The following SLC44A5 variants were observed in gnomAD, a reference collection of about 807,000 sequenced individuals.
The protein encoded by SLC44A5 is solute carrier family 44 member 5, also known as choline transporter-like protein 5.
A neutral mutation model predicts 101.8 loss-of-function variants in SLC44A5; 57 were observed. The ratio of observed to expected loss-of-function variants is 0.56; its 90% CI spans 0.45 to 0.70. SLC44A5 has a LOEUF of 0.70. Among genes scored for constraint, SLC44A5 ranks in the 30% least tolerant of loss-of-function variants. The pLI, the probability that SLC44A5 is intolerant of heterozygous loss-of-function variation, is 0.00. For synonymous variants in SLC44A5, 281 were observed against 290.9 expected, an observed-to-expected ratio of 0.97 and a Z score of 0.35; for missense variants, 737 against 853.1, an observed-to-expected ratio of 0.86 and a Z score of 1.70.
At chr1:75,292,432 C>T (rs1653632246) in intron 5 of SLC44A5, among the ~76,000 whole-genome samples, 1 of 151,908 alleles carries the variant, frequency 6.6e-6, no homozygotes, top group African/African-American at 2.4e-5. Context: ...TTTTTCTGGC[C>T]AAAGAATGAA....
intron 2 of SLC44A5, among the ~76,000 whole-genome samples, chr1:75,491,307 G>T (rs114489951): frequency 6.6e-6 from 1 of 152,170 alleles, no homozygotes; most frequent in Non-Finnish European, 1.5e-5. Flanking sequence ...AAGTTGATAT[G>T]CTGAGGATCA....
chr1:75,327,468 G>A (rs1424326230), intron 4 of SLC44A5, among the ~76,000 whole-genome samples: 3 of 152,032 alleles, frequency 2.0e-5, no homozygotes, highest in African/African-American at 7.2e-5. Flanking sequence ...TTACAATTTG[G>A]GTTTATAAGG....
intron 2 of SLC44A5, among the ~76,000 whole-genome samples, chr1:75,461,060 A>G (rs571609851): frequency 5.8e-4 from 88 of 152,350 alleles, no homozygotes; most frequent in African/African-American, 1.9e-3. Flanking sequence ...TGTCCGAGAA[A>G]AAGAAAATGG....
intron 2 of SLC44A5, among the ~76,000 whole-genome samples, chr1:75,503,244 C>T (rs777349609): frequency 2.6e-5 from 4 of 152,102 alleles, no homozygotes; most frequent in Non-Finnish European, 5.9e-5. Context: ...TGTGGAGTCA[C>T]TATCTCAGTA....
chr1:75,309,624 G>A (rs1655156406), intron 4 of SLC44A5, among the ~76,000 whole-genome samples: 1 of 152,130 alleles, frequency 6.6e-6, no homozygotes, highest in Non-Finnish European at 1.5e-5. Flanking sequence ...TAGTATGAAT[G>A]GGAGGTTTGC....
chr1:75,315,100 G>T (rs897695514), intron 4 of SLC44A5, among the ~76,000 whole-genome samples: 20 of 152,178 alleles, frequency 1.3e-4, no homozygotes, highest in African/African-American at 4.3e-4. Context: ...AGAGCTGCAG[G>T]ATTATTTATG....
intron 6 of SLC44A5, among the ~76,000 whole-genome samples, chr1:75,266,548 G>A (rs544803749): frequency 1.7e-4 from 26 of 152,226 alleles, no homozygotes; most frequent in African/African-American, 6.0e-4. Flanking sequence ...ACCTTAACAA[G>A]TATTTTAACC....
chr1:75,646,436 G>A, the SLC44A5 span, among the ~76,000 whole-genome samples: 10 of 152,036 alleles, frequency 6.6e-5, no homozygotes, highest in South Asian at 2.1e-4. Context: ...AAGTCTTAAC[G>A]TGACATGAGA....
intron 3 of SLC44A5, among the ~76,000 whole-genome samples, chr1:75,375,980 G>C (rs1364471139): frequency 6.6e-6 from 1 of 152,136 alleles, no homozygotes; most frequent in African/African-American, 2.4e-5. Context: ...GTGGGTGTGT[G>C]CACCGTGTGC....
At chr1:75,618,610 C>T in the SLC44A5 span, among the ~76,000 whole-genome samples, 9 of 152,186 alleles carry the variant, frequency 5.9e-5, no homozygotes, top group African/African-American at 2.2e-4. Flanking sequence ...ATAAAGTATA[C>T]TTAAACAAAC....
chr1:75,569,238 CTT>C (rs566440021), intron 1 of SLC44A5, among the ~76,000 whole-genome samples: 4,794 of 112,852 alleles, frequency 0.042, 217 homozygotes, highest in African/African-American at 0.15. Flanking sequence ...TCATCTCTAC[CTT>C]TTTTTTTTTT....
intron 2 of SLC44A5, among the ~76,000 whole-genome samples, chr1:75,478,977 C>A (rs1667627605): frequency 1.3e-5 from 2 of 152,156 alleles, no homozygotes; most frequent in African/African-American, 2.4e-5. Context: ...CACACCTATT[C>A]CAAAATTGAC....
At chr1:75,425,698 T>C (rs1474995943) in intron 2 of SLC44A5, among the ~76,000 whole-genome samples, 1 of 152,174 alleles carries the variant, frequency 6.6e-6, no homozygotes, top group Non-Finnish European at 1.5e-5. Context: ...AATGCTGTAT[T>C]CTGAATTATT....
intron 4 of SLC44A5, among the ~76,000 whole-genome samples, chr1:75,317,600 C>T (rs1655794021): frequency 6.6e-6 from 1 of 152,060 alleles, no homozygotes; most frequent in Non-Finnish European, 1.5e-5. Flanking sequence ...ATGTCTTAAC[C>T]AACTCAGGCT....
At chr1:75,290,828 C>A (rs1301014516) in intron 5 of SLC44A5, among the ~76,000 whole-genome samples, 1 of 152,132 alleles carries the variant, frequency 6.6e-6, no homozygotes, top group African/African-American at 2.4e-5. Flanking sequence ...ATATATACAG[C>A]AAGACATTCA....
chr1:75,602,447 G>T (rs1482401665), intron 1 of SLC44A5, among the ~76,000 whole-genome samples: 2 of 152,108 alleles, frequency 1.3e-5, no homozygotes, highest in African/African-American at 4.8e-5. Flanking sequence ...AGTGGTTAAG[G>T]ATTGTGGAGG....
chr1:75,583,148 CAT>C (rs1673794092), intron 1 of SLC44A5, among the ~76,000 whole-genome samples: 2 of 152,178 alleles, frequency 1.3e-5, no homozygotes, highest in South Asian at 4.1e-4. Flanking sequence ...TGTGAGAAGA[CAT>C]AGGGGAGGAC....
chr1:75,542,734 A>C (rs944074488), intron 1 of SLC44A5, among the ~76,000 whole-genome samples: 3 of 152,170 alleles, frequency 2.0e-5, no homozygotes, highest in Non-Finnish European at 4.4e-5. Context: ...TTTAAGATTA[A>C]GCTTTTGACT....
chr1:75,496,878 A>G (rs1668705309), intron 2 of SLC44A5, among the ~76,000 whole-genome samples: 1 of 152,164 alleles, frequency 6.6e-6, no homozygotes, highest in Non-Finnish European at 1.5e-5. Context: ...AGTATGTAAA[A>G]AGATGGTTAA....
Sources: allele counts gnomAD v4.1 joint callset (sites outside exome capture counted in the v4.1 genomes callset), GRCh38; gene constraint gnomAD v4.1.1; transcripts MANE v1.5; gene names NCBI Gene and HGNC (gene_info 2026-07-23, HGNC 2026-07-21).